SNAP25: variants seen among roughly 807,000 people sequenced by gnomAD.
SNAP25 encodes the protein synaptosomal-associated protein 25.
SNAP25 carries 3 observed loss-of-function variants against 28.7 expected under a neutral mutation model. The observed-to-expected ratio is 0.10, with a 90% confidence interval of 0.05 to 0.27. The LOEUF is 0.27. Ranked by LOEUF, SNAP25 falls within the 10% of genes least tolerant of loss-of-function variation. SNAP25 has a pLI of 1.00. For synonymous variants in SNAP25, 61 were observed against 88.1 expected, an observed-to-expected ratio of 0.69 and a Z score of 1.72; for missense variants, 117 against 278.7, an observed-to-expected ratio of 0.42 and a Z score of 4.13.
At chr20:10,291,764 C>T (rs1425580339) in intron 4 of SNAP25, among the ~76,000 whole-genome samples, 2 of 152,142 alleles carry the variant, frequency 1.3e-5, no homozygotes, top group Non-Finnish European at 2.9e-5. Flanking sequence ...GCCTTTATTC[C>T]AGGAGGCACA....
chr20:10,302,535 C>T (rs1313690897), intron 7 of SNAP25, among the ~76,000 whole-genome samples: 1 of 152,144 alleles, frequency 6.6e-6, no homozygotes, highest in Non-Finnish European at 1.5e-5. Flanking sequence ...ATTCCCGGAG[C>T]GTTCAGAAGA....
chr20:10,242,782 C>T (rs537658362), intron 1 of SNAP25, among the ~76,000 whole-genome samples: 3 of 152,296 alleles, frequency 2.0e-5, no homozygotes, highest in Admixed American at 2.0e-4. Flanking sequence ...CATCCAGCTT[C>T]CCAGGAATAA....
At chr20:10,259,278 A>T (rs1479041737) in intron 1 of SNAP25, among the ~76,000 whole-genome samples, 1 of 152,236 alleles carries the variant, frequency 6.6e-6, no homozygotes, top group African/African-American at 2.4e-5. Flanking sequence ...TCTCACCTCC[A>T]TGGAAGCAGA....
chr20:10,289,854 A>T (rs982528854), intron 4 of SNAP25, among the ~76,000 whole-genome samples: 8 of 151,896 alleles, frequency 5.3e-5, no homozygotes, highest in African/African-American at 1.9e-4. Flanking sequence ...ATATTAATGG[A>T]AAACATTAAT....
chr20:10,307,287 GA>G lies in SNAP25; in HGVS notation c.*1092del, dbSNP rs1164770281. 1 of 152,530 alleles carries G rather than the reference GA, an allele frequency of 6.6e-6. No homozygotes were observed. Among genetic ancestry groups the G allele is most frequent in the Non-Finnish European group, 1.5e-5 (1 of 68,024 alleles). 9.4% of individuals were successfully genotyped at this position (152,530 alleles called of 1,614,324 possible). On this transcript the variant is annotated 3_prime_UTR_variant, in exon 8 of 8. Coordinates refer to ENST00000254976, the MANE Select transcript of SNAP25 (RefSeq NM_130811.4). ...AACCTTTTAAAAAAATAATATAAAT[GA>G]ATGAAATATAAACTGTGAGATAAAT...
intron 1 of SNAP25, among the ~76,000 whole-genome samples, chr20:10,223,667 G>T (rs572174216): frequency 6.7e-6 from 1 of 150,018 alleles, no homozygotes; most frequent in African/African-American, 2.4e-5. Flanking sequence ...GGGACAAAAA[G>T]TTAAAAAAAA....
At chr20:10,280,344 A>G (rs1032545206) in intron 3 of SNAP25, among the ~76,000 whole-genome samples, 1 of 152,214 alleles carries the variant, frequency 6.6e-6, no homozygotes, top group Admixed American at 6.5e-5. Context: ...TGCCATAGAT[A>G]GGTAAAAAGG....
chr20:10,224,029 A>G (rs940697769), intron 1 of SNAP25, among the ~76,000 whole-genome samples: 1 of 152,140 alleles, frequency 6.6e-6, no homozygotes, highest in Non-Finnish European at 1.5e-5. Flanking sequence ...ATACTGGCTC[A>G]CTGTATCCTC....
intron 1 of SNAP25, among the ~76,000 whole-genome samples, chr20:10,243,699 G>A (rs1307625607): frequency 1.3e-5 from 2 of 152,088 alleles, no homozygotes; most frequent in Non-Finnish European, 2.9e-5. Context: ...CATGTCAGGG[G>A]ATACAGTAGA....
At chr20:10,279,747 T>C (rs1407565931) in intron 3 of SNAP25, among the ~76,000 whole-genome samples, 1 of 152,236 alleles carries the variant, frequency 6.6e-6, no homozygotes, top group African/African-American at 2.4e-5. Flanking sequence ...TGCAGCTATA[T>C]CTTAGAACAA....
intron 7 of SNAP25, among the ~76,000 whole-genome samples, chr20:10,305,135 C>G (rs2064324997): frequency 6.6e-6 from 1 of 152,150 alleles, no homozygotes; most frequent in East Asian, 1.9e-4. Context: ...TTTATCCATT[C>G]ATGACATGCC....
Position 10,284,704 on chromosome 20 carries a change from C to G in SNAP25, c.115-20C>G, listed in dbSNP as rs201555996. ...TCTCTCTAACTCCTTTTCAACTTTG[C>G]TACCATTATTGGAATGTAGAGTAAA... On this transcript the variant is annotated intron_variant, in intron 3 of 7. Coordinates refer to ENST00000254976, the MANE Select transcript of SNAP25 (RefSeq NM_130811.4). 417 of 1,604,780 alleles carry G rather than the reference C, an allele frequency of 2.6e-4. No homozygotes were observed. Among genetic ancestry groups the G allele is most frequent in the Non-Finnish European group, 3.5e-4 (407 of 1,172,370 alleles).
At chr20:10,246,039 CATT>C (rs1232219724) in intron 1 of SNAP25, among the ~76,000 whole-genome samples, 2 of 152,202 alleles carry the variant, frequency 1.3e-5, no homozygotes, top group African/African-American at 4.8e-5. Context: ...CAAGCATTGA[CATT>C]ATTTAATGGA....
chr20:10,228,933 G>A (rs1208199323), intron 1 of SNAP25, among the ~76,000 whole-genome samples: 1 of 152,096 alleles, frequency 6.6e-6, no homozygotes, highest in Non-Finnish European at 1.5e-5. Context: ...AATAAAATGG[G>A]GAAATATGTC....
intron 4 of SNAP25, among the ~76,000 whole-genome samples, chr20:10,288,378 T>C (rs2123092181): frequency 6.6e-6 from 1 of 152,044 alleles, no homozygotes; most frequent in Non-Finnish European, 1.5e-5. Flanking sequence ...AAATAATATA[T>C]ACAAACCTGG....
intron 1 of SNAP25, among the ~76,000 whole-genome samples, chr20:10,221,775 G>C (rs756618587): frequency 2.2e-4 from 33 of 152,210 alleles, no homozygotes; most frequent in Admixed American, 5.2e-4. Flanking sequence ...CTTGAGTGAG[G>C]GTTATCAGCT....
At chr20:10,255,957 A>G (rs1381240160) in intron 1 of SNAP25, among the ~76,000 whole-genome samples, 1 of 152,272 alleles carries the variant, frequency 6.6e-6, no homozygotes, top group African/African-American at 2.4e-5. Flanking sequence ...ACCTTTATGC[A>G]TAGATAATGC....
chr20:10,306,974 A>G lies in SNAP25; in HGVS notation c.*777A>G, dbSNP rs1041061984. ...TAATCATCCTTTTTTAAAAAAAAGA[A>G]TTTTAAAAAAGATGGATTTGACACA... On this transcript the variant is annotated 3_prime_UTR_variant, in exon 8 of 8. Coordinates refer to ENST00000254976, the MANE Select transcript of SNAP25 (RefSeq NM_130811.4). 1 of 152,696 alleles carries G rather than the reference A, an allele frequency of 6.5e-6. No individual in the cohort carries two copies. The highest frequency in any genetic ancestry group is 1.5e-5 in the Non-Finnish European group (1 of 68,098). The allele number at this position is 152,696 out of a possible 1,614,324, so 9.5% of individuals were successfully genotyped here. A position where few individuals can be genotyped will look rare whatever the true frequency, so the allele number is the denominator to read the frequency against.
At chr20:10,283,208 G>A (rs2063811011) in intron 3 of SNAP25, among the ~76,000 whole-genome samples, 1 of 152,206 alleles carries the variant, frequency 6.6e-6, no homozygotes, top group South Asian at 2.1e-4. Context: ...ACTTATTTTA[G>A]AAACACTCCA....
Sources: gnomAD v4.1 joint callset for allele counts (sites outside exome capture counted in the v4.1 genomes callset) on GRCh38, gnomAD v4.1.1 for gene constraint, MANE v1.5 for transcripts, NCBI Gene and HGNC (gene_info 2026-07-23, HGNC 2026-07-21) for gene names.